FRYL: variants seen among roughly 807,000 people sequenced by gnomAD.
FRYL encodes the protein protein furry homolog-like.
Under a neutral mutation model 351.2 loss-of-function variants are expected in FRYL, and 150 were observed. The ratio of observed to expected loss-of-function variants is 0.43; its 90% CI spans 0.37 to 0.49. The LOEUF is 0.49. Ranked by LOEUF, FRYL falls within the 20% of genes least tolerant of loss-of-function variation. FRYL has a pLI of 0.00. For missense variants in FRYL, 3,036 were observed against 3,619.3 expected, an observed-to-expected ratio of 0.84 and a Z score of 4.13; for synonymous variants, 1,153 against 1,257.1, an observed-to-expected ratio of 0.92 and a Z score of 1.75.
chr4:48,747,803 A>G (rs1772837156), intron 1 of FRYL, among the ~76,000 whole-genome samples: 1 of 152,248 alleles, frequency 6.6e-6, no homozygotes, highest in Admixed American at 6.5e-5. Flanking sequence ...AGAAATGGCC[A>G]CAATCTCAAC....
At position 48,595,925 on chromosome 4, in the gene FRYL, T is replaced by G; in HGVS notation, c.1111A>C (p.Lys371Gln). 6.2e-7 allele frequency: 1 copy of G among 1,600,284 alleles called. No individual in the cohort carries two copies. The highest frequency in any genetic ancestry group is 8.5e-7 in the Non-Finnish European group (1 of 1,174,172). Residue 371 changes from lysine to glutamine, a missense_variant, in exon 14 of 64, where the codon AAA (lysine) becomes CAA (glutamine). This residue lies in a region of FRYL where 457 missense variants were observed against 566.6 expected (regional missense o/e 0.81). Coordinates refer to ENST00000358350, the MANE Select transcript of FRYL (RefSeq NM_015030.2). ...RLLWVYVIRI[K>Q]CESNTVTQSR... ...TGAGTTACAGTGTTGCTTTCACATT[T>G]TATTCTAATTACATAAACCCACAAT...
At chr4:48,576,268 C>A in intron 23 of FRYL, 46 bp from the exon 24 acceptor site, 3 of 1,353,688 alleles carry the variant, frequency 2.2e-6, no homozygotes, top group South Asian at 1.5e-5. Context: ...TAACACAACA[C>A]GTTTTTAAAA....
intron 1 of FRYL, among the ~76,000 whole-genome samples, chr4:48,711,171 A>T (rs1191088525): frequency 6.6e-6 from 1 of 152,194 alleles, no homozygotes; most frequent in Non-Finnish European, 1.5e-5. Flanking sequence ...TTTCCATCTG[A>T]GGTACTGGGT....
chr4:48,563,279 TAAAA>T (rs775777275), intron 31 of FRYL, among the ~76,000 whole-genome samples: 1 of 126,256 alleles, frequency 7.9e-6, no homozygotes. Context: ...GCTGATGAAC[TAAAA>T]AAAAAAAAAA....
chr4:48,526,483 G>T (rs1030800657), intron 53 of FRYL, among the ~76,000 whole-genome samples: 2 of 152,164 alleles, frequency 1.3e-5, no homozygotes, highest in African/African-American at 4.8e-5. Flanking sequence ...GATGTTACAA[G>T]AAGTTTGCTA....
intron 3 of FRYL, among the ~76,000 whole-genome samples, chr4:48,646,502 A>G (rs750287220): frequency 3.3e-5 from 5 of 152,228 alleles, no homozygotes; most frequent in Non-Finnish European, 5.9e-5. Flanking sequence ...CTGTGGTATC[A>G]CACATCAACA....
chr4:48,500,121 G>C lies in FRYL; in HGVS notation c.8692C>G (p.Gln2898Glu). Residue 2898 changes from glutamine (Q) to glutamate (E), a missense_variant, in exon 63 of 64, where the codon CAA becomes GAA. Gln to Glu is a conservative substitution (Grantham distance 29). Transcript: ENST00000358350. ...NEEIDISKAA[Q>E]TTIETAIHSL... ...TGAATGGCAGTTTCTATAGTAGTTTGTGCAGCTTTGGAAATGTCAATTTCT... is the reference window on the plus strand; with the variant it reads ...TGAATGGCAGTTTCTATAGTAGTTTCTGCAGCTTTGGAAATGTCAATTTCT... The C allele has an allele frequency of 6.2e-7, 1 of 1,602,120 alleles. No homozygotes were observed. Among genetic ancestry groups the C allele is most frequent in the Non-Finnish European group, 8.5e-7 (1 of 1,175,718 alleles).
Position 48,521,268 on chromosome 4 carries a change from G to A in FRYL, c.7522-53C>T, listed in dbSNP as rs369050190. ...ATTCATTTATGAGTCAAAAGCCACAGGAAACATTCTCTATCATAAAATATT... is the reference window on the plus strand; with the variant it reads ...ATTCATTTATGAGTCAAAAGCCACAAGAAACATTCTCTATCATAAAATATT... On this transcript the variant is annotated intron_variant, in intron 54 of 63. Transcript: ENST00000358350. The A allele has an allele frequency of 1.9e-4, 244 of 1,306,782 alleles. 3 individuals carry two copies. The South Asian group carries it at 2.6e-3, about 14-fold the overall frequency. The allele number at this position is 1,306,782 out of a possible 1,614,324, so 80.9% of individuals were successfully genotyped here. A position where few individuals can be genotyped will look rare whatever the true frequency, so the allele number is the denominator to read the frequency against.
intron 1 of FRYL, among the ~76,000 whole-genome samples, chr4:48,751,814 C>G (rs1233341296): frequency 1.3e-5 from 2 of 150,334 alleles, no homozygotes; most frequent in Non-Finnish European, 2.9e-5. Context: ...GCCTTCCTCC[C>G]TTATGCCTTG....
At chr4:48,558,828 C>G (rs1734740718) in intron 33 of FRYL, among the ~76,000 whole-genome samples, 1 of 152,154 alleles carries the variant, frequency 6.6e-6, no homozygotes, top group African/African-American at 2.4e-5. Context: ...AGATTCAAAC[C>G]ACAAGGACAA....
At chr4:48,654,005 C>T (rs1404045240) in intron 3 of FRYL, 2 of 966,910 alleles carry the variant, frequency 2.1e-6, no homozygotes, top group South Asian at 2.0e-5. Flanking sequence ...GATGAACTAT[C>T]CAGTTGAATA....
intron 19 of FRYL, among the ~76,000 whole-genome samples, chr4:48,585,459 A>G (rs1560661013): frequency 6.6e-6 from 1 of 152,260 alleles, no homozygotes; most frequent in Non-Finnish European, 1.5e-5. Flanking sequence ...TTATGAATTT[A>G]ACTTACACCT....
rs149501910 is a variant in FRYL at position 48,772,659 on chromosome 4, C to A, written c.-384+7419G>T. 5.6e-3 allele frequency among the ~76,000 whole-genome samples: 790 copies of A among 141,766 alleles called. 4 individuals carry two copies. Among genetic ancestry groups the A allele is most frequent in the East Asian group, 0.021 (105 of 4,948 alleles). The allele number at this position is 141,766 out of a possible 152,430, so 93.0% of individuals were successfully genotyped here. A position where few individuals can be genotyped will look rare whatever the true frequency, so the allele number is the denominator to read the frequency against. Reference sequence around the variant, plus strand: ...AAATTAAATCACATCTGAAGCTTACCCTGAAATGAAGAGACCTACCAAAAA... The same window carrying A: ...AAATTAAATCACATCTGAAGCTTACACTGAAATGAAGAGACCTACCAAAAA... On this transcript the variant is annotated intron_variant, in intron 1 of 63. Transcript: ENST00000358350.
intron 47 of FRYL, among the ~76,000 whole-genome samples, chr4:48,536,557 T>C (rs1486725217): frequency 6.6e-6 from 1 of 152,340 alleles, no homozygotes; most frequent in Admixed American, 6.5e-5. Flanking sequence ...AATGCACTTC[T>C]TAGTCTGTTT....
chr4:48,770,527 T>A (rs2109411878), intron 1 of FRYL, among the ~76,000 whole-genome samples: 1 of 152,250 alleles, frequency 6.6e-6, no homozygotes, highest in African/African-American at 2.4e-5. Context: ...AACCTCCGCC[T>A]CCCGGATTCA....
At chr4:48,654,298 C>CAAAAAAAAAAA (rs34418324) in intron 3 of FRYL, among the ~76,000 whole-genome samples, 1 of 123,642 alleles carries the variant, frequency 8.1e-6, no homozygotes, top group Non-Finnish European at 1.7e-5. Context: ...AATAGCTGAT[C>CAAAAAAAAAAA]AAAAAAAAAA....
At chr4:48,636,251 G>A (rs1754216605) in intron 3 of FRYL, among the ~76,000 whole-genome samples, 2 of 152,026 alleles carry the variant, frequency 1.3e-5, no homozygotes, top group Non-Finnish European at 2.9e-5. Flanking sequence ...TGTCATTGTG[G>A]AAGAAAGAAG....
intron 35 of FRYL, among the ~76,000 whole-genome samples, chr4:48,556,685 C>T (rs1734195415): frequency 6.6e-6 from 1 of 152,132 alleles, no homozygotes; most frequent in Admixed American, 6.5e-5. Context: ...TCACACTATA[C>T]TTTATTAGCT....
intron 3 of FRYL, among the ~76,000 whole-genome samples, chr4:48,677,417 GTTTT>G (rs1553972501): frequency 9.0e-5 from 13 of 144,000 alleles, no homozygotes; most frequent in African/African-American, 3.3e-4. Flanking sequence ...GTGTGTTTTT[GTTTT>G]TTTTTTTGAG....
Sources: allele counts gnomAD v4.1 joint callset (sites outside exome capture counted in the v4.1 genomes callset), GRCh38; gene constraint gnomAD v4.1.1; regional missense constraint gnomAD v4.1.1; transcripts MANE v1.5; gene names NCBI Gene and HGNC (gene_info 2026-07-23, HGNC 2026-07-21).